PCDHA3: variants seen among roughly 807,000 people sequenced by gnomAD.
PCDHA3 encodes protocadherin alpha 3, also known as protocadherin alpha-3.
In PCDHA3, 41 loss-of-function variants were observed where a neutral mutation model predicts 62.2. That is an observed-to-expected ratio of 0.66 (90% CI 0.51 to 0.86). The LOEUF is 0.86. Ranked by LOEUF, PCDHA3 falls within the 40% of genes least tolerant of loss-of-function variation. The probability of loss-of-function intolerance (pLI) is 0.00; values close to 1 mark genes in which losing one functional copy is unlikely to be tolerated. For synonymous variants in PCDHA3, 640 were observed against 555.4 expected (o/e 1.15, Z -2.14); for missense variants, 1,304 against 1,241.2 (o/e 1.05, Z -0.76).
At position 140,974,721 on chromosome 5, in the gene PCDHA3, G is replaced by A. The variant is rs1033117636; in HGVS notation, c.2395-4228G>A. 3.9e-5 allele frequency among the ~76,000 whole-genome samples: 6 copies of A among 152,050 alleles called. No homozygotes were observed. In the East Asian group the frequency reaches 1.2e-3, roughly 29 times the overall value. On this transcript the variant is annotated intron_variant, in intron 1 of 3. Transcript: ENST00000522353. ...TCACCATGTTGTTCAAGCTGCTCTCGAACTCCTGTCTCCACCTTGGCCTCC... is the reference window on the plus strand; with the variant it reads ...TCACCATGTTGTTCAAGCTGCTCTCAAACTCCTGTCTCCACCTTGGCCTCC...
In PCDHA3 at chr5:140,858,436, G is replaced by A. The variant is rs781811192; in HGVS notation, c.2394+54845G>A. 9 of 1,542,522 alleles carry A rather than the reference G, an allele frequency of 5.8e-6. 1 individual carries two copies. In the South Asian group the frequency reaches 1.1e-4, roughly 18 times the overall value. ...CTATTGGAGGGGACCACTCTAGGAA[G>A]GTGGGTTATTACGTTTTCATTTTCC... On this transcript the variant is annotated intron_variant, in intron 1 of 3. Coordinates refer to ENST00000522353, the MANE Select transcript of PCDHA3 (RefSeq NM_018906.3).
At chr5:140,884,395 C>T (rs1554181520) in intron 1 of PCDHA3, 1 of 1,614,000 alleles carries the variant, frequency 6.2e-7, no homozygotes, top group African/African-American at 1.3e-5. Context: ...CGGTGTCCAG[C>T]CTGTTGGTGC....
intron 1 of PCDHA3, among the ~76,000 whole-genome samples, chr5:140,914,671 A>G (rs1012780806): frequency 2.6e-5 from 4 of 151,552 alleles, no homozygotes; most frequent in Non-Finnish European, 4.4e-5. Context: ...CTTCTTTTTC[A>G]TGAAAATAAT....
intron 1 of PCDHA3, chr5:140,829,932 C>T (rs2150178054): frequency 4.3e-6 from 7 of 1,613,980 alleles, no homozygotes; most frequent in East Asian, 4.5e-5. Context: ...CTGCAGCCCC[C>T]GGCAAGCAGC....
intron 1 of PCDHA3, among the ~76,000 whole-genome samples, chr5:140,976,227 T>C (rs2096706900): frequency 6.6e-6 from 1 of 152,050 alleles, no homozygotes; most frequent in East Asian, 1.9e-4. Context: ...AGAAGAAAAA[T>C]ATATGTCATT....
chr5:140,931,314 A>G (rs782684940), intron 1 of PCDHA3, among the ~76,000 whole-genome samples: 3 of 152,176 alleles, frequency 2.0e-5, no homozygotes, highest in Non-Finnish European at 4.4e-5. Context: ...GGAGAATACC[A>G]GTAATGGCTG....
Position 140,802,636 on chromosome 5 carries a change from G to C in PCDHA3, c.1439G>C (p.Arg480Pro). ...TGCCACATCTTCACGGTGTCTGCGC[G>C]GGACGCGGACGCGCAGGAGAACGCC... ...PGCHIFTVSA[R>P]DADAQENALV... The change falls in exon 1 of 4, where the codon CGG becomes CCG. Residue 480 changes from arginine to proline, a missense_variant. Transcript: ENST00000522353. The C allele has an allele frequency of 1.9e-6, 3 of 1,613,858 alleles. No homozygotes were observed. Among genetic ancestry groups the C allele is most frequent in the South Asian group, 1.1e-5 (1 of 91,070 alleles).
chr5:140,822,854 A>G (rs2150119822), intron 1 of PCDHA3: 1 of 1,614,206 alleles, frequency 6.2e-7, no homozygotes, highest in Non-Finnish European at 8.5e-7. Context: ...CCTGTCAAAG[A>G]GGACGCTCCA....
intron 1 of PCDHA3, among the ~76,000 whole-genome samples, chr5:140,820,140 C>A (rs1766693487): frequency 1.3e-5 from 2 of 151,718 alleles, no homozygotes; most frequent in South Asian, 4.2e-4. Context: ...TAAAATATTT[C>A]AAAATTATCA....
In PCDHA3 at chr5:140,850,114, C is replaced by G. The variant is rs1286583620; in HGVS notation, c.2394+46523C>G. ...CAGTTCCAGGTGAGCGCGCGCGACG[C>G]GGGCGTGCCGCCTCTGGGCAGCAAC... On this transcript the variant is annotated intron_variant, in intron 1 of 3. Coordinates refer to ENST00000522353, the MANE Select transcript of PCDHA3 (RefSeq NM_018906.3). 9 of 1,595,876 alleles carry G rather than the reference C, an allele frequency of 5.6e-6. 1 individual carries two copies. The highest frequency in any genetic ancestry group is 1.1e-5 in the South Asian group (1 of 90,494).
At chr5:140,989,462 G>A (rs531421005) in intron 3 of PCDHA3, among the ~76,000 whole-genome samples, 27 of 152,326 alleles carry the variant, frequency 1.8e-4, no homozygotes, top group Non-Finnish European at 2.9e-4. Context: ...GTTAGGCTTG[G>A]AACTCCTCCT....
At chr5:140,944,678 A>G (rs1483326984) in intron 1 of PCDHA3, among the ~76,000 whole-genome samples, 4 of 152,162 alleles carry the variant, frequency 2.6e-5, no homozygotes, top group African/African-American at 9.7e-5. Context: ...TATTCTGTGT[A>G]TCCTATTAAT....
chr5:140,849,845 C>G (rs2150453241), intron 1 of PCDHA3: 1 of 1,598,630 alleles, frequency 6.3e-7, no homozygotes, highest in East Asian at 2.2e-5. Context: ...ACGTGAACGA[C>G]AACGCACCAG....
intron 1 of PCDHA3, among the ~76,000 whole-genome samples, chr5:140,943,845 C>T (rs59104695): frequency 0.056 from 8,479 of 152,194 alleles, 700 homozygotes; most frequent in African/African-American, 0.18. Flanking sequence ...TGTAAGATGT[C>T]ACAGAAGTCA....
At chr5:141,006,276 A>T (rs2098265134) in intron 3 of PCDHA3, among the ~76,000 whole-genome samples, 1 of 151,894 alleles carries the variant, frequency 6.6e-6, no homozygotes, top group Admixed American at 6.6e-5. Context: ...CAGTGGCACG[A>T]TCTCAGCTCA....
chr5:140,905,427 A>G lies in PCDHA3; in HGVS notation c.2395-73522A>G, dbSNP rs185931856. 5.3e-5 allele frequency among the ~76,000 whole-genome samples: 8 copies of G among 152,298 alleles called. No homozygotes were observed. The East Asian group carries it at 1.5e-3, about 29-fold the overall frequency. ...TTTATACCAGTACCATGCTGGTTTG[A>G]TAACTACAGCCTTTTAGTATAATTT... On this transcript the variant is annotated intron_variant, in intron 1 of 3. Transcript: ENST00000522353.
At chr5:140,836,605 G>A (rs2150265383) in intron 1 of PCDHA3, 1 of 1,613,738 alleles carries the variant, frequency 6.2e-7, no homozygotes. Context: ...ACTCTGGTGT[G>A]CTCCAGCGCG....
At chr5:140,901,181 G>A (rs2068491755) in intron 1 of PCDHA3, among the ~76,000 whole-genome samples, 1 of 152,010 alleles carries the variant, frequency 6.6e-6, no homozygotes, top group African/African-American at 2.4e-5. Flanking sequence ...TTTGTTGATT[G>A]TTTGCTTTTC....
chr5:140,917,440 C>A (rs913046487), intron 1 of PCDHA3, among the ~76,000 whole-genome samples: 1 of 151,666 alleles, frequency 6.6e-6, no homozygotes, highest in Non-Finnish European at 1.5e-5. Flanking sequence ...TTTGTTTTTG[C>A]TGCAAGAGCG....
Sources: allele counts gnomAD v4.1 joint callset (sites outside exome capture counted in the v4.1 genomes callset), GRCh38; gene constraint gnomAD v4.1.1; transcripts MANE v1.5; gene names NCBI Gene and HGNC (gene_info 2026-07-23, HGNC 2026-07-21).